The following RAPGEF6 variants were observed in gnomAD, a reference collection of about 807,000 sequenced individuals.
RAPGEF6 encodes the protein Rap guanine nucleotide exchange factor 6.
RAPGEF6 carries 56 observed loss-of-function variants against 171.4 expected under a neutral mutation model. The ratio of observed to expected loss-of-function variants is 0.33; its 90% CI spans 0.26 to 0.41. The LOEUF (loss-of-function observed/expected upper bound fraction) is 0.41, where lower values mean the gene tolerates loss of function less well. Among genes scored for constraint, RAPGEF6 ranks in the 10% least tolerant of loss-of-function variants. RAPGEF6 has a pLI of 1.00. For missense variants in RAPGEF6, 1,674 were observed against 1,921.4 expected (o/e 0.87, Z 2.41); for synonymous variants, 692 against 650.1 (o/e 1.06, Z -0.98).
chr5:131,433,727 G>T, intron 24 of RAPGEF6, 69 bp from the exon 25 acceptor site: 2 of 1,166,334 alleles, frequency 1.7e-6, no homozygotes, highest in Non-Finnish European at 2.4e-6. Flanking sequence ...GTAGGGGAAA[G>T]GATGAAAAAA....
At position 131,433,676 on chromosome 5, in the gene RAPGEF6, A is replaced by G; in HGVS notation, c.3746-18T>C. The G allele has an allele frequency of 6.5e-7, 1 of 1,544,102 alleles. No individual in the cohort carries two copies. Among genetic ancestry groups the G allele is most frequent in the Non-Finnish European group, 8.9e-7 (1 of 1,117,764 alleles). On this transcript the variant is annotated intron_variant, in intron 24 of 27. Transcript: ENST00000509018. Reference sequence around the variant, plus strand: ...TGTGTAACCTGAACAAGAAAAGAGCACTGATCAAACTACAAAAAAAGGGAA... The same window carrying G: ...TGTGTAACCTGAACAAGAAAAGAGCGCTGATCAAACTACAAAAAAAGGGAA...
chr5:131,566,420 G>C (rs954200219), intron 4 of RAPGEF6, among the ~76,000 whole-genome samples: 1 of 152,042 alleles, frequency 6.6e-6, no homozygotes. Flanking sequence ...TTCCATTCCT[G>C]GGATAATCCC....
At chr5:131,565,373 A>T (rs1188785955) in intron 4 of RAPGEF6, among the ~76,000 whole-genome samples, 1 of 152,172 alleles carries the variant, frequency 6.6e-6, no homozygotes, top group Non-Finnish European at 1.5e-5. Context: ...AAAATTGAAG[A>T]CCTGATTAAA....
In RAPGEF6 at chr5:131,548,167, T is replaced by G; in HGVS notation, c.375A>C (p.Glu125Asp). ...MIVVENAKDN[E>D]DSILQREIPA... ...GAATTTCTCTTTGTAGAATACTATCTTCATTATCTTTGGCATTCTCTACCT... is the reference window on the plus strand; with the variant it reads ...GAATTTCTCTTTGTAGAATACTATCGTCATTATCTTTGGCATTCTCTACCT... The change falls in exon 6 of 28, where the codon GAA becomes GAC. Residue 125 changes from glutamate (E) to aspartate (D), a missense_variant. By Grantham distance (45) the Glu-to-Asp change is conservative (BLOSUM62 2). Transcript: ENST00000509018. The G allele has an allele frequency of 1.2e-6, 2 of 1,613,888 alleles. No homozygotes were observed. The highest frequency in any genetic ancestry group is 1.7e-6 in the Non-Finnish European group (2 of 1,179,884).
intron 1 of RAPGEF6, among the ~76,000 whole-genome samples, chr5:131,607,999 A>T (rs1278231979): frequency 6.6e-6 from 1 of 152,228 alleles, no homozygotes; most frequent in Non-Finnish European, 1.5e-5. Context: ...AAATCATTGT[A>T]GTAGTCCTGA....
intron 5 of RAPGEF6, among the ~76,000 whole-genome samples, chr5:131,549,476 C>T (rs1241011756): frequency 6.6e-6 from 1 of 151,934 alleles, no homozygotes; most frequent in Non-Finnish European, 1.5e-5. Context: ...ATTTACATAC[C>T]TATGATAAAG....
rs545485562 is a variant in RAPGEF6 at position 131,446,521 on chromosome 5, T to C, written c.3383A>G (p.Gln1128Arg). 1.2e-6 allele frequency: 2 copies of C among 1,614,234 alleles called. No homozygotes were observed. Among genetic ancestry groups the C allele is most frequent in the Non-Finnish European group, 1.7e-6 (2 of 1,180,026 alleles). ...LDVETDEEKF[Q>R]MMSLQWEPAY... ...AGGCTCCCACTGTAATGACATCATC[T>C]GGAACTTCTCCTCATCTGTCTCTAC... Residue 1128 changes from glutamine to arginine, a missense_variant, in exon 22 of 28, where the codon CAG becomes CGG. Gln to Arg is a conservative substitution (Grantham distance 43). Around this residue, in one of 3 missense-constraint regions of RAPGEF6, gnomAD observed 552 missense variants for 574.2 expected, o/e 0.96. Coordinates refer to ENST00000509018, the MANE Select transcript of RAPGEF6 (RefSeq NM_016340.6).
chr5:131,486,054 T>A (rs988459772), intron 15 of RAPGEF6, among the ~76,000 whole-genome samples: 5 of 152,242 alleles, frequency 3.3e-5, no homozygotes, highest in Non-Finnish European at 7.3e-5. Flanking sequence ...GGGCCAAAAC[T>A]GTAAGTTTTT....
At chr5:131,485,051 C>A (rs948367901) in intron 15 of RAPGEF6, among the ~76,000 whole-genome samples, 5 of 152,072 alleles carry the variant, frequency 3.3e-5, no homozygotes, top group Non-Finnish European at 5.9e-5. Context: ...TTCAGCCTCC[C>A]AAGTAGCTGG....
rs764376970 is a variant in RAPGEF6, at chr5:131,428,869, T to C, written c.4780+33A>G. On this transcript the variant is annotated intron_variant, in intron 27 of 27. Coordinates refer to ENST00000509018, the MANE Select transcript of RAPGEF6 (RefSeq NM_016340.6). ...ACCATTTAATGTGTTCAGCAATTCA[T>C]TTAAGAGCCTTTAAGAGAGCTTGTC... The C allele has an allele frequency of 6.3e-7, 1 of 1,576,740 alleles. No individual in the cohort carries two copies. The highest frequency in any genetic ancestry group is 8.7e-7 in the Non-Finnish European group (1 of 1,151,758).
At chr5:131,431,450 C>T (rs770376251) in intron 25 of RAPGEF6, 101 bp from the exon 26 acceptor site, 152 of 1,267,802 alleles carry the variant, frequency 1.2e-4, no homozygotes, top group Admixed American at 3.2e-4. Context: ...GAGCACGTAC[C>T]ACAAGTGTTC....
chr5:131,462,143 G>A (rs1304189710), intron 18 of RAPGEF6, 55 bp from the exon 19 acceptor site: 15 of 1,250,112 alleles, frequency 1.2e-5, no homozygotes, highest in Non-Finnish European at 1.6e-5. Flanking sequence ...TTAAATAAGA[G>A]CACTTTTCCT....
intron 22 of RAPGEF6, among the ~76,000 whole-genome samples, chr5:131,445,798 T>A (rs538980710): frequency 4.6e-5 from 7 of 152,210 alleles, no homozygotes; most frequent in South Asian, 4.2e-4. Flanking sequence ...CAAGTGATCC[T>A]CCTGCCTAGG....
chr5:131,623,079 CA>C, intron 1 of RAPGEF6, among the ~76,000 whole-genome samples: 1 of 152,126 alleles, frequency 6.6e-6, no homozygotes. Flanking sequence ...CAAAACAAAA[CA>C]AAAAAACTTC....
intron 5 of RAPGEF6, 27 bp downstream of exon 5, chr5:131,561,951 C>G (rs887847311): frequency 6.5e-7 from 1 of 1,532,104 alleles, no homozygotes; most frequent in African/African-American, 1.4e-5. Flanking sequence ...ATATCAAAAA[C>G]AATTCAGCAT....
At chr5:131,550,375 T>C (rs1760844179) in intron 5 of RAPGEF6, among the ~76,000 whole-genome samples, 1 of 152,208 alleles carries the variant, frequency 6.6e-6, no homozygotes. Flanking sequence ...ATCCCCAAAA[T>C]ACTTTTATCA....
intron 7 of RAPGEF6, among the ~76,000 whole-genome samples, chr5:131,513,463 T>C (rs1485232353): frequency 1.3e-5 from 2 of 152,194 alleles, no homozygotes; most frequent in African/African-American, 4.8e-5. Context: ...CTGGTCTCAT[T>C]CCCATATTTT....
At chr5:131,445,745 T>G (rs1180411570) in intron 22 of RAPGEF6, among the ~76,000 whole-genome samples, 1 of 152,064 alleles carries the variant, frequency 6.6e-6, no homozygotes, top group Non-Finnish European at 1.5e-5. Flanking sequence ...TTTTAATTTT[T>G]TTTTGTAGAG....
intron 16 of RAPGEF6, among the ~76,000 whole-genome samples, chr5:131,476,955 G>A (rs1755142379): frequency 6.6e-6 from 1 of 152,162 alleles, no homozygotes; most frequent in Admixed American, 6.5e-5. Flanking sequence ...TTGTCAATCT[G>A]TGAGGAAACA....
Sources: gnomAD v4.1 joint callset for allele counts (sites outside exome capture counted in the v4.1 genomes callset) on GRCh38, gnomAD v4.1.1 for gene constraint, gnomAD v4.1.1 regional missense constraint, MANE v1.5 for transcripts, NCBI Gene and HGNC (gene_info 2026-07-23, HGNC 2026-07-21) for gene names.